PTPRM: variants seen among roughly 807,000 people sequenced by gnomAD.
PTPRM encodes the protein receptor-type tyrosine-protein phosphatase mu.
A neutral mutation model predicts 186.7 loss-of-function variants in PTPRM; 47 were observed. The ratio of observed to expected loss-of-function variants is 0.25; its 90% confidence interval spans 0.20 to 0.32. The LOEUF is 0.32. Among genes scored for constraint, PTPRM ranks in the 10% least tolerant of loss-of-function variants. The pLI is 1.00. For synonymous variants in PTPRM, 668 were observed against 674.9 expected, an observed-to-expected ratio of 0.99 and a Z score of 0.16; for missense variants, 1,494 against 1,865.0, an observed-to-expected ratio of 0.80 and a Z score of 3.66.
At chr18:7,650,692 C>T (rs11876394) in intron 1 of PTPRM, among the ~76,000 whole-genome samples, 16,060 of 151,762 alleles carry the variant, frequency 0.11, 1,466 homozygotes, top group African/African-American at 0.25. Context: ...CAGACTGTAC[C>T]GAACCACCTT....
intron 1 of PTPRM, among the ~76,000 whole-genome samples, chr18:7,730,506 A>C (rs2040636554): frequency 6.6e-6 from 1 of 152,194 alleles, no homozygotes; most frequent in Admixed American, 6.5e-5. Flanking sequence ...AGCACTCAAC[A>C]AACACCTGTA....
At chr18:7,795,965 C>A (rs2145275374) in intron 2 of PTPRM, among the ~76,000 whole-genome samples, 1 of 151,872 alleles carries the variant, frequency 6.6e-6, no homozygotes, top group African/African-American at 2.4e-5. Flanking sequence ...AGGCATGCAC[C>A]ACTACAGCTA....
intron 13 of PTPRM, among the ~76,000 whole-genome samples, chr18:8,129,222 AT>A (rs2092444969): frequency 1.7e-5 from 2 of 117,862 alleles, no homozygotes; most frequent in African/African-American, 5.3e-5. Flanking sequence ...ATAAGGAAAT[AT>A]ATTATTTCAA....
chr18:8,349,262 A>C (rs1049696038), intron 23 of PTPRM, among the ~76,000 whole-genome samples: 1 of 152,230 alleles, frequency 6.6e-6, no homozygotes, highest in Non-Finnish European at 1.5e-5. Flanking sequence ...ATACTGGTTA[A>C]TTATAAGAAT....
intron 1 of PTPRM, among the ~76,000 whole-genome samples, chr18:7,695,090 T>C (rs1313127812): frequency 1.3e-5 from 2 of 152,154 alleles, no homozygotes; most frequent in African/African-American, 2.4e-5. Flanking sequence ...GTGTAACTGC[T>C]CAGTCGCAAA....
chr18:8,279,961 A>G (rs915485580), intron 19 of PTPRM, among the ~76,000 whole-genome samples: 4 of 152,188 alleles, frequency 2.6e-5, no homozygotes, highest in African/African-American at 4.8e-5. Context: ...AAATCTCCCC[A>G]TTTTAAATTC....
chr18:8,206,995 G>T (rs953781636), intron 14 of PTPRM, among the ~76,000 whole-genome samples: 1 of 152,096 alleles, frequency 6.6e-6, no homozygotes, highest in Non-Finnish European at 1.5e-5. Flanking sequence ...AACAAGGAAG[G>T]GTCCTTCCTC....
intron 1 of PTPRM, among the ~76,000 whole-genome samples, chr18:7,609,370 G>A (rs1335076050): frequency 2.6e-5 from 4 of 152,130 alleles, no homozygotes; most frequent in African/African-American, 4.8e-5. Context: ...GTCCTGTGGC[G>A]AAGCGTTGGC....
chr18:8,008,748 A>G (rs1446635105), intron 7 of PTPRM, among the ~76,000 whole-genome samples: 2 of 148,680 alleles, frequency 1.3e-5, no homozygotes, highest in Non-Finnish European at 3.0e-5. Context: ...GCTTAACTCC[A>G]TAGAAACACG....
intron 14 of PTPRM, among the ~76,000 whole-genome samples, chr18:8,231,207 C>T (rs571886241): frequency 7.2e-5 from 11 of 152,340 alleles, no homozygotes; most frequent in African/African-American, 2.6e-4. Context: ...ATGGCAGGGT[C>T]TATCACAGAG....
intron 1 of PTPRM, among the ~76,000 whole-genome samples, chr18:7,700,112 G>A (rs1406362601): frequency 1.3e-5 from 2 of 152,198 alleles, no homozygotes; most frequent in African/African-American, 4.8e-5. Flanking sequence ...TGCAATCAGA[G>A]TCAGTTAATG....
chr18:7,567,473 T>G lies in PTPRM; in HGVS notation c.-346T>G, dbSNP rs1396381366. 5.3e-6 allele frequency: 1 copy of G among 188,252 alleles called. No homozygotes were observed. The highest frequency in any genetic ancestry group is 2.4e-5 in the African/African-American group (1 of 41,158). The allele number at this position is 188,252 out of a possible 1,614,324, so 11.7% of individuals were successfully genotyped here. On this transcript the variant is annotated 5_prime_UTR_variant, in exon 1 of 33. Coordinates refer to ENST00000580170, the MANE Select transcript of PTPRM (RefSeq NM_001105244.2). This position sits in a 1 kb window ranked among gnomAD's most constrained non-coding sequence, Gnocchi z 4.3. ...CACCGCCACGGCCACGGCCGGCAGCTCGGGTCCCGGGTCCCGGGCAGGGGA... is the reference window on the plus strand; with the variant it reads ...CACCGCCACGGCCACGGCCGGCAGCGCGGGTCCCGGGTCCCGGGCAGGGGA...
chr18:8,151,478 C>T (rs2093004737), intron 14 of PTPRM, among the ~76,000 whole-genome samples: 2 of 131,582 alleles, frequency 1.5e-5, no homozygotes, highest in African/African-American at 2.7e-5. Flanking sequence ...CCCACCGCCC[C>T]CCCCCGCCCC....
chr18:8,371,575 G>A lies in PTPRM; in HGVS notation c.3171+569G>A, dbSNP rs112827276. The stretch of plus-strand genomic sequence containing the variant: ...ATGGGACACTCTTGCATGAACCAGC[G>A]CATTCATTCATGCTCACTCCCATAC... On this transcript the variant is annotated intron_variant, in intron 24 of 32. Coordinates refer to ENST00000580170, the MANE Select transcript of PTPRM (RefSeq NM_001105244.2). 6.9e-3 allele frequency among the ~76,000 whole-genome samples: 1,051 copies of A among 152,242 alleles called. 2 individuals are homozygous for A. Among genetic ancestry groups the A allele is most frequent in the Middle Eastern group, 0.017 (5 of 294 alleles).
Position 8,149,977 on chromosome 18 carries a change from C to T in PTPRM, c.2300+6198C>T, listed in dbSNP as rs184375945. 6.6e-5 allele frequency among the ~76,000 whole-genome samples: 10 copies of T among 152,262 alleles called. No individual in the cohort carries two copies. The East Asian group carries it at 1.9e-3, about 29-fold the overall frequency. On this transcript the variant is annotated intron_variant, in intron 14 of 32. Coordinates refer to ENST00000580170, the MANE Select transcript of PTPRM (RefSeq NM_001105244.2). ...TTTAAGAATGTTGAATATTGGGCCC[C>T]ACTCTCTTCTGACTTGTAGGGTTTC...
intron 1 of PTPRM, among the ~76,000 whole-genome samples, chr18:7,601,128 G>A (rs2037392468): frequency 6.6e-6 from 1 of 152,194 alleles, no homozygotes; most frequent in South Asian, 2.1e-4. Context: ...ACCCTACAGG[G>A]GAACAAATGT....
At chr18:8,204,882 T>C (rs995654144) in intron 14 of PTPRM, among the ~76,000 whole-genome samples, 3 of 152,216 alleles carry the variant, frequency 2.0e-5, no homozygotes, top group Non-Finnish European at 4.4e-5. Flanking sequence ...GTGATACTTC[T>C]GGTCAGAGTG....
intron 14 of PTPRM, among the ~76,000 whole-genome samples, chr18:8,230,420 A>G (rs890626279): frequency 2.9e-4 from 44 of 152,356 alleles, no homozygotes; most frequent in African/African-American, 8.7e-4. Context: ...GTGTCCAGAC[A>G]TAAGCAACCA....
intron 22 of PTPRM, among the ~76,000 whole-genome samples, chr18:8,339,856 A>T (rs1038342425): frequency 1.3e-5 from 2 of 152,262 alleles, no homozygotes; most frequent in African/African-American, 4.8e-5. Context: ...GCCAGGAGAC[A>T]GGTAGCTGAG....
Sources: gnomAD v4.1 joint callset for allele counts (sites outside exome capture counted in the v4.1 genomes callset) on GRCh38, gnomAD v4.1.1 for gene constraint, Gnocchi (gnomAD v3.1) non-coding constraint, MANE v1.5 for transcripts, NCBI Gene and HGNC (gene_info 2026-07-23, HGNC 2026-07-21) for gene names.